The following GNL3L variants were observed in gnomAD, a reference collection of about 807,000 sequenced individuals.
GNL3L encodes guanine nucleotide-binding protein-like 3-like protein.
In GNL3L, 4 loss-of-function variants were observed where a neutral mutation model predicts 42.9. That is an observed-to-expected ratio of 0.09 (90% CI 0.05 to 0.21). The LOEUF is 0.21. Among genes scored for constraint, GNL3L ranks in the 10% least tolerant of loss-of-function variants. The pLI is 1.00. For missense variants in GNL3L, 412 were observed against 481.7 expected (o/e 0.86, Z 1.36); for synonymous variants, 159 against 176.3 (o/e 0.90, Z 0.78).
chrX:54,608,205 A>C (rs896320746), intron 16 of GNL3L, among the ~76,000 whole-genome samples: 10 of 111,110 alleles, frequency 9.0e-5, no homozygotes, highest in Non-Finnish European at 1.3e-4. Flanking sequence ...TCATGTCTTT[A>C]CTTTTTCTTT....
chrX:54,588,808 A>T (rs1220091044), intron 16 of GNL3L, among the ~76,000 whole-genome samples: 1 of 111,886 alleles, frequency 8.9e-6, no homozygotes, highest in Non-Finnish European at 1.9e-5. Context: ...AATAAAAAAT[A>T]AAAAAAAGTG....
intron 16 of GNL3L, among the ~76,000 whole-genome samples, chrX:54,596,570 C>T (rs763447528): frequency 8.0e-5 from 9 of 112,170 alleles, no homozygotes; most frequent in Non-Finnish European, 1.5e-4. Context: ...TGCCAATGTT[C>T]GATCAAAGCC....
the GNL3L span, among the ~76,000 whole-genome samples, chrX:54,644,724 A>G: frequency 1.8e-5 from 2 of 111,997 alleles, no homozygotes; most frequent in Admixed American, 9.5e-5. Context: ...TCTTTTTCAG[A>G]AAATTTCTGC....
chrX:54,596,000 G>C (rs1233170144), intron 16 of GNL3L, among the ~76,000 whole-genome samples: 3 of 112,142 alleles, frequency 2.7e-5, no homozygotes, highest in Non-Finnish European at 5.6e-5. Flanking sequence ...CGAGGGGTCT[G>C]ATATCCAGCA....
the GNL3L span, among the ~76,000 whole-genome samples, chrX:54,645,092 G>C: frequency 9.0e-6 from 1 of 111,510 alleles, no homozygotes; most frequent in African/African-American, 3.2e-5. Flanking sequence ...TCCTATTATT[G>C]TTTTTAATAG....
chrX:54,641,820 T>TG, the GNL3L span, among the ~76,000 whole-genome samples: 1,309 of 111,593 alleles, frequency 0.012, 20 homozygotes, highest in African/African-American at 0.04. Context: ...ACCAGGATGC[T>TG]GGGTAGGTGG....
chrX:54,542,013 G>C (rs939622706), intron 5 of GNL3L, among the ~76,000 whole-genome samples: 1 of 111,448 alleles, frequency 9.0e-6, no homozygotes, highest in Non-Finnish European at 1.9e-5. Flanking sequence ...TGAACCATGG[G>C]GTTCTGTCCA....
intron 16 of GNL3L, among the ~76,000 whole-genome samples, chrX:54,594,554 T>TAAAAAAA (rs556879366): frequency 3.9e-4 from 41 of 104,867 alleles, no homozygotes; most frequent in African/African-American, 1.4e-3. Context: ...TTTTTTTTTT[T>TAAAAAAA]AAAAAAAAAT....
intron 16 of GNL3L, among the ~76,000 whole-genome samples, chrX:54,576,717 C>T (rs981948829): frequency 4.5e-5 from 5 of 111,019 alleles, no homozygotes; most frequent in South Asian, 3.8e-4. Flanking sequence ...CCACCTGCCT[C>T]GGCCTCCCAA....
intron 8 of GNL3L, 144 bp downstream of exon 8, chrX:54,544,470 C>A: frequency 2.9e-6 from 1 of 343,440 alleles, no homozygotes; most frequent in Non-Finnish European, 5.0e-6. Context: ...CACCGAGTGA[C>A]TTTTTTTTTT....
At chrX:54,607,030 T>TTC (rs1172770020) in intron 16 of GNL3L, among the ~76,000 whole-genome samples, 4 of 68,207 alleles carry the variant, frequency 5.9e-5, no homozygotes. Context: ...CTTTCTTTCT[T>TTC]TCTTTCTTTC....
chrX:54,618,977 A>G (rs1450485645), intron 16 of GNL3L, among the ~76,000 whole-genome samples: 1 of 111,714 alleles, frequency 9.0e-6, no homozygotes, highest in African/African-American at 3.3e-5. Flanking sequence ...GCACCATGAT[A>G]CCAGTCTTCA....
chrX:54,530,476 G>T, intron 1 of GNL3L, 57 bp downstream of exon 1: 1 of 111,607 alleles, frequency 9.0e-6, no homozygotes, highest in East Asian at 2.9e-4. Flanking sequence ...CAGGGATCGC[G>T]GCACACGTGG....
intron 16 of GNL3L, among the ~76,000 whole-genome samples, chrX:54,593,652 T>C (rs1473896920): frequency 9.0e-6 from 1 of 111,286 alleles, no homozygotes; most frequent in Non-Finnish European, 1.9e-5. Context: ...ATTTTGTGTT[T>C]GGTTTTCTCT....
chrX:54,556,909 G>A (rs940989002), intron 14 of GNL3L, among the ~76,000 whole-genome samples: 14 of 110,842 alleles, frequency 1.3e-4, no homozygotes, highest in Admixed American at 3.8e-4. Flanking sequence ...GGCCGGGCGC[G>A]GTGGCTCATG....
intron 16 of GNL3L, among the ~76,000 whole-genome samples, chrX:54,579,986 GTTTTTTTT>G (rs869217575): frequency 2.7e-4 from 13 of 47,680 alleles, no homozygotes; most frequent in Non-Finnish European, 2.9e-4. Context: ...CCTAAAGTTT[GTTTTTTTT>G]TTTTTTTTTT....
downstream of GNL3L, among the ~76,000 whole-genome samples, chrX:54,567,598 A>T (rs1172404724): frequency 9.4e-6 from 1 of 106,603 alleles, no homozygotes; most frequent in Non-Finnish European, 1.9e-5. Context: ...GTGAGCCGAG[A>T]TCACACCATT....
At position 54,558,422 on chromosome X, in the gene GNL3L, C is replaced by T; in HGVS notation, c.1447-14C>T. ...GGTTAAGACCTCATCGTTATGTTTT[C>T]TGTCTCTTCCTAGATTGGAGATCTC... On this transcript the variant is annotated splice_polypyrimidine_tract_variant and intron_variant, in intron 14 of 15. Transcript: ENST00000360845. 1 of 1,133,833 alleles carries T rather than the reference C, an allele frequency of 8.8e-7. No homozygotes were observed. The highest frequency in any genetic ancestry group is 1.2e-6 in the Non-Finnish European group (1 of 824,964). 93.4% of individuals were successfully genotyped at this position (1,133,833 alleles called of 1,213,427 possible).
rs1254517821 is a variant in GNL3L, at chrX:54,607,008, CTTTCTTTCTTTCTTTCTT to C, written c.*46-13835_*46-13818del. 1.5e-3 allele frequency among the ~76,000 whole-genome samples: 57 copies of C among 37,413 alleles called. 1 individual carries two copies. Among genetic ancestry groups the C allele is most frequent in the Admixed American group, 4.1e-3 (15 of 3,692 alleles). 32.5% of individuals were successfully genotyped at this position (37,413 alleles called of 115,157 possible). ...TTCCTTTCCTTTCCTTTCTTTCTTT[CTTTCTTTCTTTCTTTCTT>C]TCTTTCTTTCTTTCTTTCTTTCTTT... On this transcript the variant is annotated intron_variant, in intron 16 of 16. Coordinates refer to the GNL3L transcript ENST00000674498.
Sources: gnomAD v4.1 joint callset for allele counts (sites outside exome capture counted in the v4.1 genomes callset) on GRCh38, gnomAD v4.1.1 for gene constraint, MANE v1.5 for transcripts, NCBI Gene and HGNC (gene_info 2026-07-23, HGNC 2026-07-21) for gene names.